Variants in RERE observed in about 807,000 individuals in gnomAD.
RERE encodes the protein arginine-glutamic acid dipeptide repeats protein.
A neutral mutation model predicts 146.1 loss-of-function variants in RERE; 40 were observed. The ratio of observed to expected loss-of-function variants is 0.27; its 90% confidence interval spans 0.21 to 0.36. The LOEUF (loss-of-function observed/expected upper bound fraction) is 0.36. Among genes scored for constraint, RERE ranks in the 10% least tolerant of loss-of-function variants. The pLI is 1.00. For missense variants in RERE, 1,933 were observed against 2,138.7 expected (o/e 0.90, Z 1.90); for synonymous variants, 1,003 against 866.0 (o/e 1.16, Z -2.78).
At chr1:8,500,782 C>A (rs1423845353) in intron 8 of RERE, among the ~76,000 whole-genome samples, 1 of 151,848 alleles carries the variant, frequency 6.6e-6, no homozygotes, top group Admixed American at 6.6e-5. Context: ...TCTTCCCCGC[C>A]GCCCATCGTC....
intron 7 of RERE, among the ~76,000 whole-genome samples, chr1:8,515,111 C>T (rs1258467139): frequency 6.6e-6 from 1 of 152,168 alleles, no homozygotes; most frequent in East Asian, 1.9e-4. Flanking sequence ...TGGTGCACAC[C>T]TGGAATCCCA....
chr1:8,403,454 T>C (rs1374962616), intron 12 of RERE, among the ~76,000 whole-genome samples: 1 of 150,522 alleles, frequency 6.6e-6, no homozygotes, highest in Non-Finnish European at 1.5e-5. Context: ...TTTTTCCTGC[T>C]TCTCGGGTTC....
chr1:8,791,829 A>G (rs1018205014), intron 1 of RERE, among the ~76,000 whole-genome samples: 10 of 152,234 alleles, frequency 6.6e-5, no homozygotes, highest in African/African-American at 2.2e-4. Flanking sequence ...GAGTCAAACA[A>G]AAGTAGAAAA....
At chr1:8,444,934 A>G (rs191059741) in intron 11 of RERE, among the ~76,000 whole-genome samples, 1 of 152,266 alleles carries the variant, frequency 6.6e-6, no homozygotes, top group East Asian at 1.9e-4. Context: ...AAAAAAAAAA[A>G]AGATAATGGG....
intron 12 of RERE, among the ~76,000 whole-genome samples, chr1:8,376,293 T>C (rs888259628): frequency 6.6e-6 from 1 of 152,138 alleles, no homozygotes; most frequent in African/African-American, 2.4e-5. Flanking sequence ...GCACAAAATA[T>C]CCCTGTGCCT....
chr1:8,618,073 T>C (rs1157636604), intron 3 of RERE, among the ~76,000 whole-genome samples: 1 of 152,220 alleles, frequency 6.6e-6, no homozygotes, highest in Non-Finnish European at 1.5e-5. Context: ...AGTTAAATGT[T>C]ACTTCATTCA....
intron 10 of RERE, among the ~76,000 whole-genome samples, chr1:8,489,372 GA>G (rs962082816): frequency 2.0e-4 from 30 of 149,552 alleles, no homozygotes; most frequent in African/African-American, 6.4e-4. Context: ...AAAGAAAAAG[GA>G]AAAAAAAATT....
chr1:8,713,902 C>T (rs1401806006), intron 1 of RERE, among the ~76,000 whole-genome samples: 1 of 152,066 alleles, frequency 6.6e-6, no homozygotes, highest in Non-Finnish European at 1.5e-5. Context: ...GAGGCTTTTT[C>T]ATGGTGGACT....
intron 1 of RERE, among the ~76,000 whole-genome samples, chr1:8,717,418 C>T (rs371597458): frequency 2.7e-4 from 41 of 152,172 alleles, no homozygotes; most frequent in African/African-American, 8.7e-4. Context: ...GTACACTTCA[C>T]GAGTTCATTA....
At chr1:8,751,915 T>C (rs1640545187) in intron 1 of RERE, among the ~76,000 whole-genome samples, 1 of 147,940 alleles carries the variant, frequency 6.8e-6, no homozygotes, top group African/African-American at 2.5e-5. Flanking sequence ...TTGACTGTAG[T>C]ACGGGAACTG....
At position 8,358,410 on chromosome 1, in the gene RERE, C is replaced by A; in HGVS notation, c.4125G>T (p.Glu1375Asp). Residue 1375 changes from glutamate (E) to aspartate (D), a missense_variant, in exon 20 of 23, where the codon GAG (glutamate) becomes GAT (aspartate). This residue lies in a region of RERE where 1,255 missense variants were observed against 1,153.8 expected (regional missense o/e 1.09). Transcript: ENST00000400908. ...GGCCCGCCAGGGCCAGTCTCTCCCT[C>A]TCCAAGGGGTTCAGGCCCGGGTGGA... ...ASFHPGLNPLERERLALAGPQ... is the reference protein window; with the variant it reads ...ASFHPGLNPLDRERLALAGPQ... The A allele has an allele frequency of 6.2e-7, 1 of 1,603,642 alleles. No individual in the cohort carries two copies. Among genetic ancestry groups the A allele is most frequent in the South Asian group, 1.1e-5 (1 of 90,760 alleles).
intron 7 of RERE, among the ~76,000 whole-genome samples, chr1:8,516,702 C>G (rs1415516520): frequency 1.3e-5 from 2 of 152,086 alleles, no homozygotes; most frequent in Non-Finnish European, 2.9e-5. Context: ...GTTACTGAAC[C>G]AAAATCACAC....
At chr1:8,653,846 A>G (rs1212825744) in intron 2 of RERE, among the ~76,000 whole-genome samples, 3 of 152,178 alleles carry the variant, frequency 2.0e-5, no homozygotes, top group Admixed American at 6.5e-5. Context: ...AGTCTACATC[A>G]AAGATAAATA....
At chr1:8,497,969 G>A (rs2124245608) in intron 8 of RERE, among the ~76,000 whole-genome samples, 1 of 152,288 alleles carries the variant, frequency 6.6e-6, no homozygotes, top group Middle Eastern at 3.4e-3. Context: ...AAAATTAAGT[G>A]AGCTATCCTA....
At chr1:8,467,050 G>A (rs1313644518) in intron 10 of RERE, among the ~76,000 whole-genome samples, 1 of 152,148 alleles carries the variant, frequency 6.6e-6, no homozygotes, top group African/African-American at 2.4e-5. Flanking sequence ...TGCATCTCCA[G>A]TGCTGAACAC....
At chr1:8,813,277 T>C (rs1228076346) in intron 1 of RERE, among the ~76,000 whole-genome samples, 4 of 152,220 alleles carry the variant, frequency 2.6e-5, no homozygotes, top group Non-Finnish European at 4.4e-5. Context: ...CACTTAAACA[T>C]TTGAATTTTC....
chr1:8,607,872 C>T (rs1005786865), intron 4 of RERE, among the ~76,000 whole-genome samples: 6 of 151,748 alleles, frequency 4.0e-5, no homozygotes, highest in Admixed American at 6.6e-5. Flanking sequence ...ATTACAGGCG[C>T]CCGCCACCAC....
At chr1:8,431,935 C>T (rs1644100921) in intron 11 of RERE, among the ~76,000 whole-genome samples, 2 of 152,112 alleles carry the variant, frequency 1.3e-5, no homozygotes, top group African/African-American at 2.4e-5. Context: ...TCACCATGCC[C>T]TCTAGATTCA....
chr1:8,633,174 C>A (rs1156266097), intron 2 of RERE, among the ~76,000 whole-genome samples: 3 of 152,180 alleles, frequency 2.0e-5, no homozygotes, highest in African/African-American at 7.2e-5. Context: ...AATCCCAACA[C>A]ATTGGGAGGT....
Sources: allele counts gnomAD v4.1 joint callset (sites outside exome capture counted in the v4.1 genomes callset), GRCh38; gene constraint gnomAD v4.1.1; regional missense constraint gnomAD v4.1.1; transcripts MANE v1.5; gene names NCBI Gene and HGNC (gene_info 2026-07-23, HGNC 2026-07-21).